Variants in LRCH1 observed in about 807,000 individuals in gnomAD.
LRCH1 encodes the protein leucine rich repeats and calponin homology domain containing 1, also known as leucine-rich repeat and calponin homology domain-containing protein 1.
In LRCH1, 23 loss-of-function variants were observed where a neutral mutation model predicts 94.9. That is an observed-to-expected ratio of 0.24 (90% CI 0.17 to 0.34). The LOEUF (loss-of-function observed/expected upper bound fraction) is 0.34. Ranked by LOEUF, LRCH1 falls within the 10% of genes least tolerant of loss-of-function variation. The pLI is 1.00. For missense variants in LRCH1, 790 were observed against 945.9 expected (o/e 0.84, Z 2.16); for synonymous variants, 364 against 354.9 (o/e 1.03, Z -0.29).
Position 46,553,242 on chromosome 13 carries a change from C to CCAAAAA in LRCH1, c.-155_-154insCAAAAA, listed in dbSNP as rs2137883377. 2.3e-5 allele frequency: 13 copies of CCAAAAA among 568,598 alleles called. No individual in the cohort carries two copies. The highest frequency in any genetic ancestry group is 3.3e-5 in the East Asian group (1 of 30,430). The allele number at this position is 568,598 out of a possible 1,614,324, so 35.2% of individuals were successfully genotyped here. ...CACGGCCGCCTCCCCGCCCGCCCCC[C>CCAAAAA]ATTCTACGCGCCTGCCCACACCCTC... On this transcript the variant is annotated 5_prime_UTR_variant, in exon 1 of 20. Transcript: ENST00000389797.
At chr13:46,619,066 T>C (rs548570336) in intron 1 of LRCH1, among the ~76,000 whole-genome samples, 1 of 50,908 alleles carries the variant, frequency 2.0e-5, no homozygotes, top group African/African-American at 1.6e-4. Flanking sequence ...TTTTCTTTTT[T>C]CCTTCCTTCC....
At chr13:46,622,650 T>C (rs934123878) in intron 1 of LRCH1, among the ~76,000 whole-genome samples, 2 of 152,196 alleles carry the variant, frequency 1.3e-5, no homozygotes, top group Non-Finnish European at 2.9e-5. Flanking sequence ...CAAGGGGAAC[T>C]GCTAAGGAAC....
chr13:46,721,084 G>T (rs1341416842), intron 16 of LRCH1, among the ~76,000 whole-genome samples: 2 of 152,142 alleles, frequency 1.3e-5, no homozygotes, highest in Non-Finnish European at 1.5e-5. Flanking sequence ...ATTAAAAAAT[G>T]ATGCCAGGAA....
At chr13:46,691,856 A>AT (rs1870914295) in intron 7 of LRCH1, among the ~76,000 whole-genome samples, 1 of 151,810 alleles carries the variant, frequency 6.6e-6, no homozygotes, top group South Asian at 2.1e-4. Context: ...CGCCCAGCTA[A>AT]TTTTTGTATT....
chr13:46,651,411 C>T (rs1322663922), intron 2 of LRCH1, among the ~76,000 whole-genome samples: 2 of 152,082 alleles, frequency 1.3e-5, no homozygotes, highest in Non-Finnish European at 2.9e-5. Context: ...GGCCTGTAAT[C>T]CCAGCACTTT....
At chr13:46,730,995 A>G (rs1873072854) in intron 18 of LRCH1, among the ~76,000 whole-genome samples, 1 of 152,172 alleles carries the variant, frequency 6.6e-6, no homozygotes, top group African/African-American at 2.4e-5. Context: ...AACAAATAAT[A>G]GGAAACAATG....
intron 11 of LRCH1, among the ~76,000 whole-genome samples, chr13:46,701,528 GTT>G (rs372135977): frequency 5.1e-4 from 77 of 152,200 alleles, no homozygotes; most frequent in African/African-American, 1.8e-3. Context: ...ATTGCTTAAA[GTT>G]TAAACCCCTG....
chr13:46,648,730 A>G (rs145273998), intron 1 of LRCH1, among the ~76,000 whole-genome samples: 3 of 152,286 alleles, frequency 2.0e-5, no homozygotes, highest in Admixed American at 2.0e-4. Context: ...TTTTCTTCAT[A>G]TAAATTTTGC....
At chr13:46,619,801 C>T (rs1214456536) in intron 1 of LRCH1, among the ~76,000 whole-genome samples, 1 of 152,164 alleles carries the variant, frequency 6.6e-6, no homozygotes, top group African/African-American at 2.4e-5. Flanking sequence ...TGGTGGATTT[C>T]ATGTGTTTAG....
intron 1 of LRCH1, among the ~76,000 whole-genome samples, chr13:46,615,036 A>G (rs542526575): frequency 6.6e-6 from 1 of 152,350 alleles, no homozygotes; most frequent in Non-Finnish European, 1.5e-5. Context: ...TGATGAATTA[A>G]TTAGGTAGGT....
At position 46,703,682 on chromosome 13, in the gene LRCH1, G is replaced by T. The variant is rs112438633; in HGVS notation, c.1401-1386G>T. On this transcript the variant is annotated intron_variant, in intron 11 of 19. Transcript: ENST00000389797. ...TATACTCTTTGATAAGACAGAATGT[G>T]ATGTGGCCAATATAATGTTTTTTAA... Among the ~76,000 whole-genome samples, 149 of 152,214 alleles carry T rather than the reference G, an allele frequency of 9.8e-4. 1 individual carries two copies. Among genetic ancestry groups the T allele is most frequent in the African/African-American group, 3.3e-3 (139 of 41,530 alleles).
chr13:46,681,700 G>T, intron 3 of LRCH1, 41 bp from the exon 4 acceptor site: 1 of 1,368,020 alleles, frequency 7.3e-7, no homozygotes, highest in South Asian at 1.2e-5. Context: ...TGATTTCCTG[G>T]AAAAAGATGT....
intron 2 of LRCH1, 140 bp downstream of exon 2, chr13:46,650,485 A>G: frequency 3.2e-6 from 2 of 620,704 alleles, no homozygotes; most frequent in Non-Finnish European, 5.3e-6. Flanking sequence ...TTTAAGTAAT[A>G]ACTTTTCTAA....
chr13:46,611,545 A>G (rs1307123973), intron 1 of LRCH1, among the ~76,000 whole-genome samples: 1 of 152,220 alleles, frequency 6.6e-6, no homozygotes, highest in African/African-American at 2.4e-5. Flanking sequence ...TTGATATCCA[A>G]TATATATGAT....
At chr13:46,691,421 T>C (rs1190228791) in intron 7 of LRCH1, among the ~76,000 whole-genome samples, 1 of 152,246 alleles carries the variant, frequency 6.6e-6, no homozygotes, top group Non-Finnish European at 1.5e-5. Flanking sequence ...TGATGCAGCT[T>C]CCTCAGCCTA....
At chr13:46,571,069 A>G (rs1391365488) in intron 1 of LRCH1, among the ~76,000 whole-genome samples, 5 of 152,352 alleles carry the variant, frequency 3.3e-5, no homozygotes, top group African/African-American at 1.2e-4. Flanking sequence ...AATTCACCCT[A>G]GAGTTTACCC....
intron 4 of LRCH1, among the ~76,000 whole-genome samples, chr13:46,684,662 A>G (rs570411955): frequency 6.6e-6 from 1 of 152,280 alleles, no homozygotes; most frequent in South Asian, 2.1e-4. Context: ...ACAAGCTGTG[A>G]GGTGAAAGGG....
chr13:46,697,824 G>A (rs1052440150), intron 9 of LRCH1, among the ~76,000 whole-genome samples: 1 of 152,136 alleles, frequency 6.6e-6, no homozygotes, highest in Non-Finnish European at 1.5e-5. Flanking sequence ...AGGATCAACT[G>A]TAAAACCATT....
At chr13:46,719,859 G>A (rs575554205) in intron 16 of LRCH1, among the ~76,000 whole-genome samples, 12 of 151,762 alleles carry the variant, frequency 7.9e-5, no homozygotes, top group South Asian at 6.2e-4. Context: ...TTAGCCAGGC[G>A]TGGTGGCAGG....
Sources: gnomAD v4.1 joint callset for allele counts (sites outside exome capture counted in the v4.1 genomes callset) on GRCh38, gnomAD v4.1.1 for gene constraint, MANE v1.5 for transcripts, NCBI Gene and HGNC (gene_info 2026-07-23, HGNC 2026-07-21) for gene names.